Variants in FANCD2 observed in about 807,000 individuals in gnomAD.
The protein encoded by FANCD2 is Fanconi anemia group D2 protein.
A neutral mutation model predicts 192.3 loss-of-function variants in FANCD2; 131 were observed. That is an observed-to-expected ratio of 0.68 (90% CI 0.59 to 0.79). The LOEUF is 0.79. FANCD2 is among the 30% of genes least tolerant of loss of function. The pLI is 0.00. For missense variants in FANCD2, 1,508 were observed against 1,701.6 expected, an observed-to-expected ratio of 0.89 and a Z score of 2.00; for synonymous variants, 524 against 612.5, an observed-to-expected ratio of 0.86 and a Z score of 2.13.
At chr3:10,070,156 G>T (rs184194287) in intron 26 of FANCD2, among the ~76,000 whole-genome samples, 147 of 145,814 alleles carry the variant, frequency 1.0e-3, no homozygotes, top group African/African-American at 3.6e-3. Context: ...CGGCTGCCCC[G>T]TATGAGAAGT....
intron 26 of FANCD2, among the ~76,000 whole-genome samples, chr3:10,071,383 C>T (rs1206792031): frequency 1.3e-5 from 2 of 152,166 alleles, no homozygotes; most frequent in African/African-American, 4.8e-5. Flanking sequence ...AAGGAGATAT[C>T]TGCACTCCCA....
intron 9 of FANCD2, chr3:10,040,695 T>C (rs1051291247): frequency 2.5e-6 from 1 of 392,764 alleles, no homozygotes; most frequent in East Asian, 7.3e-5. Context: ...AACTTTTTAT[T>C]GTACTAGAAG....
At chr3:10,086,383 C>A (rs1017467215) in intron 33 of FANCD2, among the ~76,000 whole-genome samples, 2 of 152,182 alleles carry the variant, frequency 1.3e-5, no homozygotes, top group African/African-American at 4.8e-5. Flanking sequence ...CCCCCTCCCC[C>A]TTCAGTCAGA....
At chr3:10,074,012 C>G (rs1254964902) in intron 28 of FANCD2, among the ~76,000 whole-genome samples, 4 of 152,146 alleles carry the variant, frequency 2.6e-5, no homozygotes, top group Admixed American at 1.3e-4. Flanking sequence ...GTGGCACGAT[C>G]TTGGCTCACT....
chr3:10,055,838 A>C (rs1226575225), intron 18 of FANCD2, among the ~76,000 whole-genome samples: 1 of 151,752 alleles, frequency 6.6e-6, no homozygotes, highest in Non-Finnish European at 1.5e-5. Context: ...TAAATAAATA[A>C]ATAAATAAAT....
Position 10,070,242 on chromosome 3 carries a change from G to C in FANCD2, c.2495-2629G>C, listed in dbSNP as rs541821674. Among the ~76,000 whole-genome samples the C allele has an allele frequency of 3.5e-4, 53 of 150,446 alleles. 1 individual carries two copies. In the South Asian group the frequency reaches 0.011, roughly 31 times the overall value. On this transcript the variant is annotated intron_variant, in intron 26 of 43. Coordinates refer to ENST00000675286, the MANE Select transcript of FANCD2 (RefSeq NM_001018115.3). The stretch of plus-strand genomic sequence containing the variant: ...TCTGCCCGGCAGCCGCCCCATCTGA[G>C]AAGTGAGGAGTCCCTCCGCCCGGCA...
intron 17 of FANCD2, among the ~76,000 whole-genome samples, chr3:10,049,956 A>G (rs111422914): frequency 3.3e-4 from 50 of 152,294 alleles, no homozygotes; most frequent in East Asian, 5.8e-4. Flanking sequence ...GCCCAAGTCA[A>G]TGGTGTGACT....
intron 14 of FANCD2, chr3:10,046,345 G>A (rs2087010490): frequency 5.7e-6 from 3 of 528,198 alleles, no homozygotes; most frequent in Non-Finnish European, 6.4e-6. Flanking sequence ...GAGCCACTGT[G>A]CCTGGCCTGC....
rs189513602 is a variant in FANCD2, at chr3:10,070,196, G to A, written c.2495-2675G>A. Reference sequence around the variant, plus strand: ...AGACCCTCCGCCCGGCAACCGCCCCGTCTGAGAAGTGAGGAGCCCCTCTGC... The same window carrying A: ...AGACCCTCCGCCCGGCAACCGCCCCATCTGAGAAGTGAGGAGCCCCTCTGC... On this transcript the variant is annotated intron_variant, in intron 26 of 43. Coordinates refer to ENST00000675286, the MANE Select transcript of FANCD2 (RefSeq NM_001018115.3). 8.1e-3 allele frequency among the ~76,000 whole-genome samples: 1,206 copies of A among 148,004 alleles called. 13 individuals carry two copies. Among genetic ancestry groups the A allele is most frequent in the African/African-American group, 0.028 (1,123 of 40,000 alleles).
At chr3:10,029,734 C>T (rs2086544423) in intron 2 of FANCD2, among the ~76,000 whole-genome samples, 1 of 152,176 alleles carries the variant, frequency 6.6e-6, no homozygotes, top group Non-Finnish European at 1.5e-5. Flanking sequence ...CCTAACCCCC[C>T]TTCCACCCTT....
At chr3:10,039,878 G>C (rs2086821343) in intron 9 of FANCD2, 33 bp downstream of exon 9, 1 of 1,613,456 alleles carries the variant, frequency 6.2e-7, no homozygotes, top group Admixed American at 1.7e-5. Context: ...TCTAAGTGAG[G>C]CTCAGCTATG....
At chr3:10,041,908 T>A (rs1283019884) in intron 10 of FANCD2, among the ~76,000 whole-genome samples, 198 bp downstream of exon 10, 2 of 151,772 alleles carry the variant, frequency 1.3e-5, no homozygotes, top group Non-Finnish European at 2.9e-5. Context: ...CAGGTCTGTT[T>A]TTTTTTTTGA....
chr3:10,066,019 G>A lies in FANCD2; in HGVS notation c.2385+40G>A, dbSNP rs761825171. ...TAGGATGTTTCACTTATTGTGCATA[G>A]TTTTTCTCAAAACTATTTTCTTAGT... On this transcript the variant is annotated intron_variant, in intron 25 of 43. Transcript: ENST00000675286. The A allele has an allele frequency of 3.6e-5, 47 of 1,312,528 alleles. No individual in the cohort carries two copies. In the Admixed American group the frequency reaches 3.8e-4, roughly 11 times the overall value. 81.3% of individuals were successfully genotyped at this position (1,312,528 alleles called of 1,614,324 possible). A position where few individuals can be genotyped will look rare whatever the true frequency, so the allele number is the denominator to read the frequency against.
At chr3:10,029,443 A>G (rs1379489706) in intron 2 of FANCD2, among the ~76,000 whole-genome samples, 1 of 152,222 alleles carries the variant, frequency 6.6e-6, no homozygotes. Context: ...CGAGGGTGCA[A>G]TGAGTCAATA....
At chr3:10,093,462 A>G (rs1430420462) in intron 39 of FANCD2, 139 bp downstream of exon 39, 2 of 785,110 alleles carry the variant, frequency 2.5e-6, no homozygotes, top group East Asian at 2.5e-5. Context: ...AGGGAAGGCA[A>G]TGGATGCATT....
At chr3:10,066,332 T>C (rs775820263) in intron 25 of FANCD2, among the ~76,000 whole-genome samples, 29 of 152,202 alleles carry the variant, frequency 1.9e-4, no homozygotes, top group Non-Finnish European at 3.8e-4. Flanking sequence ...TGTATTTGTG[T>C]TTGGTGATAA....
intron 18 of FANCD2, among the ~76,000 whole-genome samples, chr3:10,056,937 C>T (rs2087429294): frequency 6.6e-6 from 1 of 152,114 alleles, no homozygotes; most frequent in Non-Finnish European, 1.5e-5. Context: ...TTACTGCAAC[C>T]TCCACCTCCC....
At position 10,055,431 on chromosome 3, in the gene FANCD2, G is replaced by T. The variant is rs556589395; in HGVS notation, c.1656+2934G>T. On this transcript the variant is annotated intron_variant, in intron 18 of 43. Transcript: ENST00000675286. ...AATCATACGATATGTATCCTTTTGC[G>T]TCTCGCTTATTTCACTTAGCATAAT... Among the ~76,000 whole-genome samples the T allele has an allele frequency of 2.0e-5, 3 of 152,004 alleles. No homozygotes were observed. The East Asian group carries it at 5.8e-4, about 29-fold the overall frequency.
intron 28 of FANCD2, among the ~76,000 whole-genome samples, chr3:10,074,009 G>C (rs1693394943): frequency 6.6e-6 from 1 of 151,974 alleles, no homozygotes. Flanking sequence ...GCAGTGGCAC[G>C]ATCTTGGCTC....
Sources: gnomAD v4.1 joint callset for allele counts (sites outside exome capture counted in the v4.1 genomes callset) on GRCh38, gnomAD v4.1.1 for gene constraint, MANE v1.5 for transcripts, NCBI Gene and HGNC (gene_info 2026-07-23, HGNC 2026-07-21) for gene names.